Variants in AKAP19 observed in about 807,000 individuals in gnomAD.
The protein encoded by AKAP19 is A-kinase anchoring protein 19.
chr2:190,060,511 C>A, the AKAP19 span: 1 of 1,358,038 alleles, frequency 7.4e-7, no homozygotes, highest in Non-Finnish European at 1.0e-6. Flanking sequence ...AATAGTTGAG[C>A]ATTTTTTTAA....
the AKAP19 span, among the ~76,000 whole-genome samples, chr2:190,150,904 G>A: frequency 6.6e-6 from 1 of 151,908 alleles, no homozygotes; most frequent in Non-Finnish European, 1.5e-5. Context: ...CTATCTCAGT[G>A]TAATATTAAT....
chr2:190,184,723 G>A, the AKAP19 span, among the ~76,000 whole-genome samples: 1 of 152,140 alleles, frequency 6.6e-6, no homozygotes, highest in African/African-American at 2.4e-5. Context: ...GGTGCTGGGT[G>A]GAGATAAAGG....
the AKAP19 span, among the ~76,000 whole-genome samples, chr2:190,032,795 G>A: frequency 2.0e-5 from 3 of 152,042 alleles, no homozygotes; most frequent in South Asian, 6.2e-4. Context: ...TAAGTTGCAG[G>A]TACCCACAGG....
chr2:190,074,482 C>G, the AKAP19 span, among the ~76,000 whole-genome samples: 1 of 152,046 alleles, frequency 6.6e-6, no homozygotes, highest in Non-Finnish European at 1.5e-5. Flanking sequence ...GAAACCCCGT[C>G]TCTACTAAAA....
At chr2:190,112,227 C>T in the AKAP19 span, among the ~76,000 whole-genome samples, 2 of 152,082 alleles carry the variant, frequency 1.3e-5, no homozygotes, top group Admixed American at 1.3e-4. Context: ...TTATTTGTAA[C>T]CTTTAATATA....
the AKAP19 span, among the ~76,000 whole-genome samples, chr2:190,064,070 T>G: frequency 6.6e-6 from 1 of 152,166 alleles, no homozygotes; most frequent in African/African-American, 2.4e-5. Flanking sequence ...CACTACCATT[T>G]TTGCACACTG....
the AKAP19 span, among the ~76,000 whole-genome samples, chr2:189,959,630 T>G: frequency 1.3e-5 from 2 of 152,210 alleles, no homozygotes; most frequent in Non-Finnish European, 2.9e-5. Context: ...CACACAAACA[T>G]GTTGGCCACC....
At chr2:190,069,105 A>C in the AKAP19 span, among the ~76,000 whole-genome samples, 2 of 149,406 alleles carry the variant, frequency 1.3e-5, no homozygotes, top group Non-Finnish European at 3.0e-5. Flanking sequence ...GTAGAAAAGA[A>C]GTCTCAAAAG....
chr2:190,025,272 T>C, the AKAP19 span, among the ~76,000 whole-genome samples: 1 of 152,164 alleles, frequency 6.6e-6, no homozygotes, highest in Admixed American at 6.5e-5. Flanking sequence ...AGGATAAGTT[T>C]CAAAAATTTT....
chr2:189,934,752 A>G, the AKAP19 span, among the ~76,000 whole-genome samples: 6 of 151,506 alleles, frequency 4.0e-5, no homozygotes, highest in African/African-American at 1.4e-4. Context: ...AATATAAAAG[A>G]TTATAAAGAA....
the AKAP19 span, among the ~76,000 whole-genome samples, chr2:190,075,284 A>G: frequency 6.6e-6 from 1 of 152,198 alleles, no homozygotes; most frequent in Non-Finnish European, 1.5e-5. Flanking sequence ...TACATTTATT[A>G]AAAATGGTTT....
chr2:190,088,201 G>A, the AKAP19 span, among the ~76,000 whole-genome samples: 19 of 152,308 alleles, frequency 1.2e-4, no homozygotes, highest in African/African-American at 3.8e-4. Flanking sequence ...CTGGTACAGT[G>A]AGAGGAGAGT....
At chr2:190,094,073 A>G in the AKAP19 span, among the ~76,000 whole-genome samples, 1 of 152,220 alleles carries the variant, frequency 6.6e-6, no homozygotes, top group African/African-American at 2.4e-5. Flanking sequence ...TCCTCTCCAC[A>G]GCGACAGAGT....
At chr2:190,163,903 G>A in the AKAP19 span, 1 of 152,040 alleles carries the variant, frequency 6.6e-6, no homozygotes, top group African/African-American at 2.4e-5. Flanking sequence ...AGTTATTTTA[G>A]GATTAAGATT....
the AKAP19 span, among the ~76,000 whole-genome samples, chr2:189,989,964 C>T: frequency 1.3e-5 from 2 of 152,270 alleles, no homozygotes; most frequent in Admixed American, 1.3e-4. Flanking sequence ...AATGCAACCC[C>T]TATTAAAATC....
At chr2:189,948,395 CT>C in the AKAP19 span, among the ~76,000 whole-genome samples, 1 of 151,934 alleles carries the variant, frequency 6.6e-6, no homozygotes, top group Non-Finnish European at 1.5e-5. Context: ...TTACACTTAG[CT>C]TTTTAAAAAA....
At chr2:190,084,096 T>G in the AKAP19 span, among the ~76,000 whole-genome samples, 119 of 150,260 alleles carry the variant, frequency 7.9e-4, no homozygotes, top group African/African-American at 2.8e-3. Flanking sequence ...TCAGGTTTTT[T>G]TTTTTTTTTT....
chr2:190,169,585 C>G, the AKAP19 span, among the ~76,000 whole-genome samples: 1 of 152,168 alleles, frequency 6.6e-6, no homozygotes, highest in Non-Finnish European at 1.5e-5. Flanking sequence ...TTCTTATGAA[C>G]AAATAACAGG....
chr2:189,923,673 G>A, the AKAP19 span: 45,326 of 1,613,334 alleles, frequency 0.028, no homozygotes, highest in Non-Finnish European at 0.032. Flanking sequence ...GACTTGGATT[G>A]TGACTTTCAA....
Sources: gnomAD v4.1 joint callset for allele counts (sites outside exome capture counted in the v4.1 genomes callset) on GRCh38, gnomAD v4.1.1 for gene constraint, MANE v1.5 for transcripts, NCBI Gene and HGNC (gene_info 2026-07-23, HGNC 2026-07-21) for gene names.